The following CMIP variants were observed in gnomAD, a reference collection of about 807,000 sequenced individuals.
CMIP encodes the protein C-Maf-inducing protein.
A neutral mutation model predicts 97.3 loss-of-function variants in CMIP; 13 were observed. The observed-to-expected ratio is 0.13, with a 90% CI of 0.09 to 0.21. The LOEUF (loss-of-function observed/expected upper bound fraction) is 0.21. Ranked by LOEUF, CMIP falls within the 10% of genes least tolerant of loss-of-function variation. The probability of loss-of-function intolerance (pLI) is 1.00; values close to 1 mark genes in which losing one functional copy is unlikely to be tolerated. For synonymous variants in CMIP, 538 were observed against 436.3 expected (o/e 1.23, Z -2.91); for missense variants, 847 against 1,024.9 (o/e 0.83, Z 2.37).
intron 2 of CMIP, chr16:81,619,264 A>C (rs2091961701): frequency 6.6e-6 from 1 of 152,188 alleles, no homozygotes; most frequent in Non-Finnish European, 1.5e-5. Flanking sequence ...CAAAACTCTG[A>C]GTCCCTGAGC....
At chr16:81,653,420 G>T (rs890601691) in intron 4 of CMIP, among the ~76,000 whole-genome samples, 48 of 152,362 alleles carry the variant, frequency 3.2e-4, no homozygotes, top group African/African-American at 1.1e-3. Flanking sequence ...GAGGTGGGAG[G>T]TAGAAAGTAG....
chr16:81,594,991 T>TA (rs999515916), intron 1 of CMIP, among the ~76,000 whole-genome samples: 1 of 151,726 alleles, frequency 6.6e-6, no homozygotes, highest in African/African-American at 2.4e-5. Flanking sequence ...AGCAGCAATT[T>TA]AAAAAATAGA....
At chr16:81,657,630 C>T (rs1025586115) in intron 4 of CMIP, 145 bp from the exon 5 acceptor site, 1 of 662,214 alleles carries the variant, frequency 1.5e-6, no homozygotes, top group Non-Finnish European at 2.5e-6. Context: ...GTGTTCTGAT[C>T]TGTTTAATTA....
chr16:81,527,346 G>GAAT (rs2090152053), intron 1 of CMIP, among the ~76,000 whole-genome samples: 1 of 151,982 alleles, frequency 6.6e-6, no homozygotes, highest in Non-Finnish European at 1.5e-5. Flanking sequence ...CTGATGGACG[G>GAAT]GTAAAGGAAT....
chr16:81,677,626 A>T lies in CMIP; in HGVS notation c.1035-649A>T, dbSNP rs140550181. ...CCAGTGTTTGCCTAACAAATGTGAGATTAATAATGCCATAGAGCCCCTTTC... is the reference window on the plus strand; with the variant it reads ...CCAGTGTTTGCCTAACAAATGTGAGTTTAATAATGCCATAGAGCCCCTTTC... On this transcript the variant is annotated intron_variant, in intron 9 of 20. Coordinates refer to ENST00000537098, the MANE Select transcript of CMIP (RefSeq NM_198390.3). Among the ~76,000 whole-genome samples, 592 of 152,338 alleles carry T rather than the reference A, an allele frequency of 3.9e-3. 6 individuals carry two copies. Among genetic ancestry groups the T allele is most frequent in the African/African-American group, 0.014 (572 of 41,578 alleles).
At chr16:81,583,471 T>A (rs993691920) in intron 1 of CMIP, among the ~76,000 whole-genome samples, 2 of 152,246 alleles carry the variant, frequency 1.3e-5, no homozygotes, top group African/African-American at 4.8e-5. Context: ...CGAATTTGCT[T>A]TTTAAAAATA....
intron 1 of CMIP, among the ~76,000 whole-genome samples, chr16:81,523,446 G>A (rs1159141495): frequency 2.0e-5 from 3 of 152,122 alleles, no homozygotes; most frequent in Admixed American, 2.0e-4. Flanking sequence ...ACAGTCACAC[G>A]GCCGCAAGGT....
chr16:81,571,192 C>T (rs866302528), intron 1 of CMIP, among the ~76,000 whole-genome samples: 5 of 152,080 alleles, frequency 3.3e-5, no homozygotes, highest in East Asian at 1.9e-4. Context: ...AAAAGACAGG[C>T]GGGTGCAGTG....
chr16:81,694,614 T>A (rs1906488478), intron 13 of CMIP, among the ~76,000 whole-genome samples: 3 of 152,186 alleles, frequency 2.0e-5, no homozygotes, highest in Admixed American at 2.0e-4. Context: ...GTTCTCAAAC[T>A]ATATTACCTG....
chr16:81,584,703 C>T (rs978437447), intron 1 of CMIP, among the ~76,000 whole-genome samples: 10 of 152,174 alleles, frequency 6.6e-5, no homozygotes, highest in South Asian at 2.1e-4. Flanking sequence ...GTCCATCATC[C>T]GAATTATCAA....
rs1224896882 is a variant in CMIP at position 81,607,624 on chromosome 16, C to T, written c.358C>T (p.Leu120=). 9 of 1,613,934 alleles carry T rather than the reference C, an allele frequency of 5.6e-6. No homozygotes were observed. Among genetic ancestry groups the T allele is most frequent in the Non-Finnish European group, 7.6e-6 (9 of 1,179,904 alleles). ...SYSAIEDVQL[L]SWENAPKYCL... Reference sequence around the variant, plus strand: ...CAGCGCAATTGAAGACGTTCAGCTGCTGTCCTGGGAGAATGCCCCGAAGTA... The same window carrying T: ...CAGCGCAATTGAAGACGTTCAGCTGTTGTCCTGGGAGAATGCCCCGAAGTA... The change falls in exon 2 of 21, where the codon CTG becomes TTG. Residue 120 remains leucine, a synonymous_variant. Transcript: ENST00000537098.
chr16:81,559,945 C>G (rs560652618), intron 1 of CMIP, among the ~76,000 whole-genome samples: 1 of 151,820 alleles, frequency 6.6e-6, no homozygotes, highest in Non-Finnish European at 1.5e-5. Flanking sequence ...GTCAGGAGTT[C>G]GAGACCAGCC....
At chr16:81,544,732 T>TGG (rs2090513219) in intron 1 of CMIP, among the ~76,000 whole-genome samples, 1 of 151,806 alleles carries the variant, frequency 6.6e-6, no homozygotes, top group South Asian at 2.1e-4. Flanking sequence ...TATATGTGCA[T>TGG]GTGTGTGTGT....
intron 1 of CMIP, among the ~76,000 whole-genome samples, chr16:81,605,198 A>G (rs889305112): frequency 2.6e-5 from 4 of 152,226 alleles, no homozygotes; most frequent in Non-Finnish European, 4.4e-5. Context: ...ATGCTGGAAC[A>G]GGCCAGAACA....
At chr16:81,618,711 C>G (rs138404644) in intron 2 of CMIP, 2 of 152,362 alleles carry the variant, frequency 1.3e-5, no homozygotes, top group African/African-American at 4.8e-5. Flanking sequence ...CACAGAAATC[C>G]GCACACGCCG....
In CMIP at chr16:81,598,345, C is replaced by CA. The variant is rs543684436; in HGVS notation, c.301-9217dup. 3.4e-3 allele frequency among the ~76,000 whole-genome samples: 517 copies of CA among 152,266 alleles called. 4 individuals carry two copies. The highest frequency in any genetic ancestry group is 0.012 in the African/African-American group (503 of 41,548). Reference sequence around the variant, plus strand: ...ATCTGGCTCTTTACAGTCAAATTAACAAAAATTAAACAAAATGTGTAATTT... The same window carrying CA: ...ATCTGGCTCTTTACAGTCAAATTAACAAAAAATTAAACAAAATGTGTAATTT... On this transcript the variant is annotated intron_variant, in intron 1 of 20. Coordinates refer to ENST00000537098, the MANE Select transcript of CMIP (RefSeq NM_198390.3).
intron 1 of CMIP, among the ~76,000 whole-genome samples, chr16:81,465,268 T>C (rs1328771066): frequency 6.6e-6 from 1 of 152,210 alleles, no homozygotes; most frequent in Non-Finnish European, 1.5e-5. Flanking sequence ...CATCCATACT[T>C]GATGATGCTG....
intron 1 of CMIP, among the ~76,000 whole-genome samples, chr16:81,558,040 G>A (rs573137808): frequency 9.2e-5 from 14 of 152,084 alleles, no homozygotes; most frequent in Admixed American, 2.6e-4. Context: ...ATGCAGTCAC[G>A]CAATATTTAT....
rs2092443593 is a variant in CMIP at position 81,652,853 on chromosome 16, G to A, written c.639+489G>A. ...CGGTTTGCAGCTGGTGCTACCTGAT[G>A]CCACCCGTCGGCTGGGCCTCCTGTG... On this transcript the variant is annotated intron_variant, in intron 4 of 20. Transcript: ENST00000537098. This position sits in a 1 kb window ranked among gnomAD's most constrained non-coding sequence, Gnocchi z 5.2. Among the ~76,000 whole-genome samples, 1 of 152,156 alleles carries A rather than the reference G, an allele frequency of 6.6e-6. No individual in the cohort carries two copies. The highest frequency in any genetic ancestry group is 2.4e-5 in the African/African-American group (1 of 41,428).
Sources: allele counts gnomAD v4.1 joint callset (sites outside exome capture counted in the v4.1 genomes callset), GRCh38; gene constraint gnomAD v4.1.1; non-coding constraint Gnocchi (gnomAD v3.1); transcripts MANE v1.5; gene names NCBI Gene and HGNC (gene_info 2026-07-23, HGNC 2026-07-21).